MARCHF1: variants seen among roughly 807,000 people sequenced by gnomAD.
MARCHF1 encodes the protein E3 ubiquitin-protein ligase MARCHF1.
Under a neutral mutation model 54.2 loss-of-function variants are expected in MARCHF1, and 40 were observed. That is an observed-to-expected ratio of 0.74 (90% CI 0.57 to 0.96). MARCHF1 has a LOEUF of 0.96. Ranked by LOEUF, MARCHF1 falls within the 40% of genes least tolerant of loss-of-function variation. MARCHF1 has a pLI of 0.00. For missense variants in MARCHF1, 586 were observed against 656.5 expected (o/e 0.89, Z 1.17); for synonymous variants, 236 against 236.3 (o/e 1.00, Z 0.01).
Position 164,056,986 on chromosome 4 carries a change from G to T in MARCHF1, c.-248+54602C>A, listed in dbSNP as rs556991568. 5.3e-5 allele frequency among the ~76,000 whole-genome samples: 8 copies of T among 152,246 alleles called. No homozygotes were observed. In the East Asian group the frequency reaches 1.5e-3, roughly 29 times the overall value. On this transcript the variant is annotated intron_variant, in intron 2 of 9. Transcript: ENST00000514618. ...GGCTCTGGGAAGGTTACATGGTATT[G>T]TAGGGAAGCGATCCAGGCACCAGGG...
chr4:164,081,338 T>C (rs115036415), intron 2 of MARCHF1, among the ~76,000 whole-genome samples: 396 of 152,094 alleles, frequency 2.6e-3, no homozygotes, highest in Non-Finnish European at 4.1e-3. Flanking sequence ...TCTTGTTCAT[T>C]GGTTCTATTT....
At chr4:163,667,139 G>T (rs886903720) in intron 5 of MARCHF1, among the ~76,000 whole-genome samples, 7 of 151,960 alleles carry the variant, frequency 4.6e-5, no homozygotes, top group Non-Finnish European at 8.8e-5. Flanking sequence ...ACATCATGAA[G>T]TTCTTTTTTT....
At chr4:163,725,033 G>A (rs1375400579) in intron 4 of MARCHF1, among the ~76,000 whole-genome samples, 2 of 151,948 alleles carry the variant, frequency 1.3e-5, no homozygotes, top group Admixed American at 1.3e-4. Context: ...ACTGTCCAAC[G>A]ATCCCCAGTG....
At chr4:163,979,266 C>T (rs1243315124) in intron 3 of MARCHF1, among the ~76,000 whole-genome samples, 24 of 119,020 alleles carry the variant, frequency 2.0e-4, no homozygotes, top group African/African-American at 4.8e-4. Flanking sequence ...TGAGAATATG[C>T]GGTGTTTGGT....
In MARCHF1 at chr4:164,351,259, G is replaced by A. The variant is rs35701222; in HGVS notation, c.-323+32611C>T. ...GAAGCTCCAACTGGGTGGAGCCCAC[G>A]ACAGCTCAAGGAGGCCTGCCTGCCT... On this transcript the variant is annotated intron_variant, in intron 1 of 9. Coordinates refer to ENST00000514618, the MANE Select transcript of MARCHF1 (RefSeq NM_001394959.1). Among the ~76,000 whole-genome samples the A allele has an allele frequency of 1.7e-4, 25 of 145,150 alleles. No homozygotes were observed. The South Asian group carries it at 4.6e-3, about 27-fold the overall frequency.
At chr4:164,304,427 A>G (rs1005058678) in intron 1 of MARCHF1, among the ~76,000 whole-genome samples, 1 of 152,166 alleles carries the variant, frequency 6.6e-6, no homozygotes. Context: ...CCCCTGGTGT[A>G]TTTCCCTCCC....
intron 1 of MARCHF1, among the ~76,000 whole-genome samples, chr4:164,148,814 C>T (rs951924399): frequency 3.9e-5 from 6 of 152,078 alleles, no homozygotes; most frequent in African/African-American, 1.4e-4. Flanking sequence ...TGCCTTCAAC[C>T]ACCCATAACA....
rs555892398 is a variant in MARCHF1 at position 163,594,771 on chromosome 4, C to A, written c.1011-8842G>T. Among the ~76,000 whole-genome samples the A allele has an allele frequency of 3.8e-4, 58 of 151,630 alleles. No individual in the cohort carries two copies. The East Asian group carries it at 0.01, about 27-fold the overall frequency. On this transcript the variant is annotated intron_variant, in intron 7 of 9. Transcript: ENST00000514618. ...TTATCAAAACACAAACACACACACA[C>A]ACACACACACACACACCCAAACCCA...
chr4:163,852,440 T>C (rs927970105), intron 4 of MARCHF1, among the ~76,000 whole-genome samples: 2 of 152,186 alleles, frequency 1.3e-5, no homozygotes, highest in South Asian at 4.1e-4. Context: ...GTATGATACC[T>C]GACAAAGTGC....
chr4:164,330,709 C>T (rs1735413721), intron 1 of MARCHF1, among the ~76,000 whole-genome samples: 1 of 152,070 alleles, frequency 6.6e-6, no homozygotes, highest in Non-Finnish European at 1.5e-5. Flanking sequence ...AAATGCAAGG[C>T]TAACTGATAC....
chr4:164,241,467 T>C (rs75777373), intron 1 of MARCHF1, among the ~76,000 whole-genome samples: 5,033 of 152,258 alleles, frequency 0.033, 185 homozygotes, highest in East Asian at 0.16. Context: ...TTTTTGACAA[T>C]AGTTTGCCTT....
intron 4 of MARCHF1, among the ~76,000 whole-genome samples, chr4:163,755,842 T>C (rs1263251810): frequency 1.3e-5 from 2 of 152,198 alleles, no homozygotes; most frequent in Non-Finnish European, 2.9e-5. Flanking sequence ...TAGACAACTA[T>C]GTAAAGGTGT....
Position 163,854,140 on chromosome 4 carries a change from T to A in MARCHF1, c.-9A>T. 6.5e-7 allele frequency: 1 copy of A among 1,528,526 alleles called. No homozygotes were observed. Among genetic ancestry groups the A allele is most frequent in the Non-Finnish European group, 8.7e-7 (1 of 1,142,988 alleles). 94.7% of individuals were successfully genotyped at this position (1,528,526 alleles called of 1,614,324 possible). On this transcript the variant is annotated 5_prime_UTR_variant, in exon 4 of 10. Coordinates refer to ENST00000514618, the MANE Select transcript of MARCHF1 (RefSeq NM_001394959.1). ...TCACACCAGCCCAGCATTTTCTCCT[T>A]CCTCTTATCCCTTTTCAATTTCTGA...
intron 4 of MARCHF1, among the ~76,000 whole-genome samples, chr4:163,815,016 A>T (rs1209139356): frequency 1.3e-5 from 2 of 152,216 alleles, no homozygotes; most frequent in Non-Finnish European, 2.9e-5. Context: ...AGCTTCAGAC[A>T]TATTCATGAG....
At chr4:163,610,669 A>G (rs571218412) in intron 7 of MARCHF1, among the ~76,000 whole-genome samples, 1 of 152,228 alleles carries the variant, frequency 6.6e-6, no homozygotes, top group Middle Eastern at 3.4e-3. Flanking sequence ...CAGCAAACAT[A>G]CATATAGATC....
At chr4:163,628,320 A>G (rs955475825) in intron 5 of MARCHF1, among the ~76,000 whole-genome samples, 1 of 152,218 alleles carries the variant, frequency 6.6e-6, no homozygotes, top group Non-Finnish European at 1.5e-5. Flanking sequence ...GATTATCTCA[A>G]TAGATGCAGA....
chr4:163,681,150 AG>A (rs1188307082), intron 5 of MARCHF1, among the ~76,000 whole-genome samples: 2 of 152,124 alleles, frequency 1.3e-5, no homozygotes, highest in African/African-American at 4.8e-5. Context: ...CATATTTTAA[AG>A]GGCTGTGCTA....
At chr4:164,248,168 T>C (rs1479806662) in intron 1 of MARCHF1, among the ~76,000 whole-genome samples, 2 of 152,082 alleles carry the variant, frequency 1.3e-5, no homozygotes, top group African/African-American at 2.4e-5. Flanking sequence ...CATACAACTT[T>C]TTAATTAAAC....
intron 5 of MARCHF1, among the ~76,000 whole-genome samples, chr4:163,670,263 G>T (rs1185587826): frequency 4.0e-5 from 6 of 151,848 alleles, no homozygotes; most frequent in Non-Finnish European, 8.8e-5. Flanking sequence ...GGAAGAAGGG[G>T]CCATGGGGGG....
Sources: gnomAD v4.1 joint callset for allele counts (sites outside exome capture counted in the v4.1 genomes callset) on GRCh38, gnomAD v4.1.1 for gene constraint, MANE v1.5 for transcripts, NCBI Gene and HGNC (gene_info 2026-07-23, HGNC 2026-07-21) for gene names.